Variants in PDE11A observed in about 807,000 individuals in gnomAD.
PDE11A encodes phosphodiesterase 11A.
PDE11A carries 100 observed loss-of-function variants against 100.5 expected under a neutral mutation model. That is an observed-to-expected ratio of 1.00 (90% confidence interval 0.85 to 1.18). The LOEUF (loss-of-function observed/expected upper bound fraction) is 1.18, where lower values mean the gene tolerates loss of function less well. Ranked by LOEUF, PDE11A falls within the 50% of genes most tolerant of loss-of-function variation. PDE11A has a pLI of 0.00. For synonymous variants in PDE11A, 381 were observed against 420.8 expected, an observed-to-expected ratio of 0.91 and a Z score of 1.16; for missense variants, 1,141 against 1,152.6, an observed-to-expected ratio of 0.99 and a Z score of 0.15.
intron 2 of PDE11A, among the ~76,000 whole-genome samples, chr2:177,916,941 T>G (rs1038815544): frequency 7.6e-6 from 1 of 132,130 alleles, no homozygotes; most frequent in Non-Finnish European, 1.6e-5. Context: ...TTTTTTTTTT[T>G]TTTTTTTTGT....
chr2:178,037,799 C>T (rs2086634761), intron 1 of PDE11A, among the ~76,000 whole-genome samples: 1 of 152,090 alleles, frequency 6.6e-6, no homozygotes, highest in Non-Finnish European at 1.5e-5. Flanking sequence ...CATGTTCTCA[C>T]TCATAAGTGG....
Position 177,939,458 on chromosome 2 carries a change from G to A in PDE11A, c.1072-34271C>T, listed in dbSNP as rs372213722. Among the ~76,000 whole-genome samples, 962 of 137,006 alleles carry A rather than the reference G, an allele frequency of 7.0e-3. 10 individuals are homozygous for A. Among genetic ancestry groups the A allele is most frequent in the African/African-American group, 0.025 (928 of 36,808 alleles). 89.9% of individuals were successfully genotyped at this position (137,006 alleles called of 152,430 possible). A position where few individuals can be genotyped will look rare whatever the true frequency, so the allele number is the denominator to read the frequency against. The stretch of plus-strand genomic sequence containing the variant: ...GGAAGGGAGGAAGAAAGGAAGGAGG[G>A]AGGGAGAGAGGAAGGAAGAAAGAAG... On this transcript the variant is annotated intron_variant, in intron 2 of 19. Transcript: ENST00000286063.
At position 177,898,015 on chromosome 2, in the gene PDE11A, C is replaced by T. The variant is rs755236742; in HGVS notation, c.1302+43G>A. 6.1e-6 allele frequency: 9 copies of T among 1,478,992 alleles called. No individual in the cohort carries two copies. The Admixed American group carries it at 1.5e-4, about 25-fold the overall frequency. 91.6% of individuals were successfully genotyped at this position (1,478,992 alleles called of 1,614,324 possible). On this transcript the variant is annotated intron_variant, in intron 4 of 19. Transcript: ENST00000286063. ...ATTATAAATAAACTCAACTTTATTC[C>T]ATTCACACAGTCTTCAACTTTAAAA...
At chr2:178,081,997 G>A (rs1359584990) in intron 2 of PDE11A, among the ~76,000 whole-genome samples, 1 of 152,204 alleles carries the variant, frequency 6.6e-6, no homozygotes, top group Admixed American at 6.5e-5. Context: ...CTGTCACACA[G>A]TCATAGTGAA....
At chr2:177,749,289 G>A (rs910282979) in intron 10 of PDE11A, among the ~76,000 whole-genome samples, 2 of 152,102 alleles carry the variant, frequency 1.3e-5, no homozygotes, top group Non-Finnish European at 2.9e-5. Flanking sequence ...ATAGTTCATT[G>A]TAACCTCAGA....
chr2:177,743,867 A>T (rs2081910108), intron 10 of PDE11A, among the ~76,000 whole-genome samples: 1 of 152,192 alleles, frequency 6.6e-6, no homozygotes. Context: ...TCAAGTTGGA[A>T]ATGAGAGAAT....
chr2:177,765,223 A>G (rs553312485), intron 10 of PDE11A, among the ~76,000 whole-genome samples: 1 of 152,336 alleles, frequency 6.6e-6, no homozygotes, highest in Admixed American at 6.5e-5. Context: ...AGAAAATCCC[A>G]AAACATAAAG....
At chr2:177,671,626 G>C (rs147185729) in intron 17 of PDE11A, among the ~76,000 whole-genome samples, 3 of 151,992 alleles carry the variant, frequency 2.0e-5, no homozygotes, top group African/African-American at 4.8e-5. Flanking sequence ...AAACAAGAAT[G>C]AGATTGCTAG....
chr2:177,910,662 T>C (rs1376407443), intron 2 of PDE11A, among the ~76,000 whole-genome samples: 1 of 152,130 alleles, frequency 6.6e-6, no homozygotes, highest in Non-Finnish European at 1.5e-5. Context: ...TAATTAATCT[T>C]TACAACATCC....
At chr2:177,827,066 G>A (rs372734798) in intron 6 of PDE11A, among the ~76,000 whole-genome samples, 94 of 152,300 alleles carry the variant, frequency 6.2e-4, no homozygotes, top group African/African-American at 1.4e-3. Context: ...GTGGGGGTGC[G>A]GGAGTGCTCC....
At chr2:177,951,290 T>C (rs1449855886) in intron 2 of PDE11A, among the ~76,000 whole-genome samples, 2 of 152,230 alleles carry the variant, frequency 1.3e-5, no homozygotes, top group African/African-American at 4.8e-5. Flanking sequence ...GCTAAGTACA[T>C]GAGGCTTTAA....
At chr2:177,916,384 G>A (rs2084953677) in intron 2 of PDE11A, among the ~76,000 whole-genome samples, 1 of 152,164 alleles carries the variant, frequency 6.6e-6, no homozygotes, top group Non-Finnish European at 1.5e-5. Context: ...AATTCCCTCT[G>A]CCTCTGATTT....
rs1298725403 is a variant in PDE11A, at chr2:177,853,712, G to T, written c.1368-13329C>A. Reference sequence around the variant, plus strand: ...TGTGTGTGTGTGTGTGTGTGTGTGTGTTTGTGTGTGTGTGTGTGTATATCT... The same window carrying T: ...TGTGTGTGTGTGTGTGTGTGTGTGTTTTTGTGTGTGTGTGTGTGTATATCT... On this transcript the variant is annotated intron_variant, in intron 5 of 19. Coordinates refer to ENST00000286063, the MANE Select transcript of PDE11A (RefSeq NM_016953.4). Among the ~76,000 whole-genome samples, 192 of 26,388 alleles carry T rather than the reference G, an allele frequency of 7.3e-3. 8 individuals carry two copies. Among genetic ancestry groups the T allele is most frequent in the Middle Eastern group, 0.026 (1 of 38 alleles). The allele number at this position is 26,388 out of a possible 152,430, so 17.3% of individuals were successfully genotyped here.
At chr2:177,939,710 G>A (rs1260539676) in intron 2 of PDE11A, among the ~76,000 whole-genome samples, 1 of 152,226 alleles carries the variant, frequency 6.6e-6, no homozygotes, top group Non-Finnish European at 1.5e-5. Flanking sequence ...GCATTACAGG[G>A]CAAATATTCT....
At position 177,851,638 on chromosome 2, in the gene PDE11A, G is replaced by A. The variant is rs143844354; in HGVS notation, c.1368-11255C>T. Among the ~76,000 whole-genome samples, 274 of 152,284 alleles carry A rather than the reference G, an allele frequency of 1.8e-3. 2 individuals are homozygous for A. Among genetic ancestry groups the A allele is most frequent in the Middle Eastern group, 3.4e-3 (1 of 294 alleles). ...TGGAAGTGGTGAATAAGGCTACTGC[G>A]GAAGAGGCCAACCAATATATTGTGT... is the stretch of plus-strand genomic sequence containing the variant. On this transcript the variant is annotated intron_variant, in intron 5 of 19. Transcript: ENST00000286063.
chr2:177,882,875 G>A (rs764119015), intron 4 of PDE11A, among the ~76,000 whole-genome samples: 1 of 152,010 alleles, frequency 6.6e-6, no homozygotes, highest in African/African-American at 2.4e-5. Flanking sequence ...GATATTCCGG[G>A]CACCAAAATA....
chr2:177,885,372 TC>T (rs779791733), intron 4 of PDE11A, among the ~76,000 whole-genome samples: 1 of 152,174 alleles, frequency 6.6e-6, no homozygotes, highest in Non-Finnish European at 1.5e-5. Flanking sequence ...ACCTTTCATA[TC>T]TGTGGGTTCT....
At chr2:177,834,849 T>G (rs1402510494) in intron 6 of PDE11A, among the ~76,000 whole-genome samples, 2 of 151,772 alleles carry the variant, frequency 1.3e-5, no homozygotes, top group Non-Finnish European at 2.9e-5. Flanking sequence ...ATGCAAGAGT[T>G]TTTTTTTTCA....
At chr2:177,927,534 C>T (rs2085146417) in intron 2 of PDE11A, among the ~76,000 whole-genome samples, 1 of 152,130 alleles carries the variant, frequency 6.6e-6, no homozygotes. Flanking sequence ...CCATTAGGTG[C>T]CTGGTAATGA....
Sources: gnomAD v4.1 joint callset for allele counts (sites outside exome capture counted in the v4.1 genomes callset) on GRCh38, gnomAD v4.1.1 for gene constraint, MANE v1.5 for transcripts, NCBI Gene and HGNC (gene_info 2026-07-23, HGNC 2026-07-21) for gene names.